The following TMEM117 variants were observed in gnomAD, a reference collection of about 807,000 sequenced individuals.
TMEM117 encodes the protein transmembrane protein 117.
In TMEM117, 27 loss-of-function variants were observed where a neutral mutation model predicts 52.4. The ratio of observed to expected loss-of-function variants is 0.51; its 90% CI spans 0.38 to 0.71. The LOEUF (loss-of-function observed/expected upper bound fraction) is 0.71, where lower values mean the gene tolerates loss of function less well. TMEM117 is among the 30% of genes least tolerant of loss of function. TMEM117 has a pLI of 0.00. For missense variants in TMEM117, 556 were observed against 630.5 expected (o/e 0.88, Z 1.26); for synonymous variants, 215 against 206.3 (o/e 1.04, Z -0.36).
intron 3 of TMEM117, among the ~76,000 whole-genome samples, chr12:44,088,698 AG>A (rs1162604021): frequency 6.6e-6 from 1 of 152,176 alleles, no homozygotes; most frequent in Non-Finnish European, 1.5e-5. Context: ...GATCTTAGGT[AG>A]TTCTGGGAAT....
chr12:44,187,318 CTTAT>C (rs1949291949), intron 4 of TMEM117, among the ~76,000 whole-genome samples: 1 of 151,938 alleles, frequency 6.6e-6, no homozygotes, highest in Non-Finnish European at 1.5e-5. Flanking sequence ...AAACAAAATT[CTTAT>C]TTCTCTATTT....
At chr12:43,889,532 G>A (rs563188620) in intron 2 of TMEM117, among the ~76,000 whole-genome samples, 6 of 152,382 alleles carry the variant, frequency 3.9e-5, no homozygotes, top group East Asian at 1.9e-4. Flanking sequence ...CTCATCTGCT[G>A]CGCAGTCCAG....
At chr12:44,058,299 GA>G (rs2077385247) in intron 3 of TMEM117, among the ~76,000 whole-genome samples, 1 of 152,102 alleles carries the variant, frequency 6.6e-6, no homozygotes, top group Non-Finnish European at 1.5e-5. Flanking sequence ...AAATCAGTAT[GA>G]AAAAGTCTGA....
At chr12:44,087,305 C>T (rs950115725) in intron 3 of TMEM117, among the ~76,000 whole-genome samples, 7 of 151,982 alleles carry the variant, frequency 4.6e-5, no homozygotes, top group African/African-American at 9.7e-5. Flanking sequence ...TATTTTGAGT[C>T]GGAAGTGTGT....
intron 3 of TMEM117, among the ~76,000 whole-genome samples, chr12:44,135,715 G>T (rs12305063): frequency 0.015 from 2,313 of 152,230 alleles, 65 homozygotes; most frequent in African/African-American, 0.052. Context: ...TGAAAATTTT[G>T]TAGGAAATAC....
chr12:43,901,836 G>GT (rs1229466430), intron 2 of TMEM117, among the ~76,000 whole-genome samples: 1 of 152,008 alleles, frequency 6.6e-6, no homozygotes, highest in African/African-American at 2.4e-5. Context: ...TTTGCCTAAT[G>GT]TTTTTTTCAA....
At chr12:44,304,639 A>G (rs1266134510) in intron 6 of TMEM117, among the ~76,000 whole-genome samples, 1 of 152,166 alleles carries the variant, frequency 6.6e-6, no homozygotes, top group East Asian at 1.9e-4. Flanking sequence ...AGCTTACCAC[A>G]GTAGAATAGG....
chr12:43,889,592 A>G (rs938700394), intron 2 of TMEM117, among the ~76,000 whole-genome samples: 2 of 152,130 alleles, frequency 1.3e-5, no homozygotes, highest in Admixed American at 6.5e-5. Context: ...GAGGTTGGGG[A>G]CCCCAATGTA....
intron 5 of TMEM117, among the ~76,000 whole-genome samples, chr12:44,218,551 G>A (rs1228957111): frequency 6.6e-6 from 1 of 152,138 alleles, no homozygotes; most frequent in African/African-American, 2.4e-5. Flanking sequence ...AAACCCGAAA[G>A]CTTCTCCTCT....
the TMEM117 span, chr12:43,806,462 A>T: frequency 3.1e-6 from 3 of 981,734 alleles, no homozygotes; most frequent in Non-Finnish European, 3.8e-6. Flanking sequence ...CGGCCTCGCT[A>T]TCCTAGTTCT....
chr12:44,228,611 A>G (rs1406711371), intron 5 of TMEM117, among the ~76,000 whole-genome samples: 1 of 152,132 alleles, frequency 6.6e-6, no homozygotes, highest in Admixed American at 6.6e-5. Context: ...TGAGCCAGGA[A>G]AATTCCCATG....
chr12:44,354,835 A>G (rs1225491293), intron 6 of TMEM117, among the ~76,000 whole-genome samples: 2 of 152,068 alleles, frequency 1.3e-5, no homozygotes, highest in African/African-American at 2.4e-5. Context: ...ATCACTGAAA[A>G]CAAAGTGCTT....
intron 2 of TMEM117, among the ~76,000 whole-genome samples, chr12:43,871,067 G>A (rs1943695856): frequency 6.6e-6 from 1 of 151,804 alleles, no homozygotes; most frequent in African/African-American, 2.4e-5. Flanking sequence ...TTACAGGCAT[G>A]AGCCACTGCA....
At chr12:43,910,988 A>G (rs1944489704) in intron 2 of TMEM117, among the ~76,000 whole-genome samples, 1 of 65,978 alleles carries the variant, frequency 1.5e-5, no homozygotes, top group South Asian at 7.1e-4. Context: ...AGAATTGGAA[A>G]AAACTACTTT....
intron 5 of TMEM117, among the ~76,000 whole-genome samples, chr12:44,214,432 C>T (rs1308181650): frequency 5.3e-5 from 8 of 151,850 alleles, no homozygotes; most frequent in African/African-American, 9.7e-5. Flanking sequence ...GCTCCCAAAG[C>T]GCTGGGATTA....
chr12:44,026,845 G>A (rs1946541794), intron 3 of TMEM117, among the ~76,000 whole-genome samples: 2 of 151,736 alleles, frequency 1.3e-5, no homozygotes, highest in Non-Finnish European at 2.9e-5. Flanking sequence ...TTAAATAGTT[G>A]TGTTTTCTAA....
chr12:44,217,368 A>C (rs548547123), intron 5 of TMEM117, among the ~76,000 whole-genome samples: 4 of 152,192 alleles, frequency 2.6e-5, no homozygotes, highest in Non-Finnish European at 5.9e-5. Flanking sequence ...ATTGATGAGC[A>C]GTCTCTTTCT....
chr12:43,870,213 A>G (rs1353853654), intron 2 of TMEM117, among the ~76,000 whole-genome samples: 1 of 150,398 alleles, frequency 6.6e-6, no homozygotes, highest in Non-Finnish European at 1.5e-5. Context: ...TTTTGTGAAT[A>G]GTGCTGCAGT....
intron 4 of TMEM117, among the ~76,000 whole-genome samples, chr12:44,207,379 GAAGAT>G (rs1283103552): frequency 6.6e-6 from 1 of 152,146 alleles, no homozygotes; most frequent in Non-Finnish European, 1.5e-5. Context: ...ATCAGGCTAA[GAAGAT>G]AAGAATGGCA....
Sources: gnomAD v4.1 joint callset for allele counts (sites outside exome capture counted in the v4.1 genomes callset) on GRCh38, gnomAD v4.1.1 for gene constraint, MANE v1.5 for transcripts, NCBI Gene and HGNC (gene_info 2026-07-23, HGNC 2026-07-21) for gene names.